Variants in NELL2 observed in about 807,000 individuals in gnomAD.
NELL2 encodes the protein protein kinase C-binding protein NELL2.
Under a neutral mutation model 109.6 loss-of-function variants are expected in NELL2, and 41 were observed. The observed-to-expected ratio is 0.37, with a 90% CI of 0.29 to 0.49. The LOEUF is 0.49. NELL2 is among the 20% of genes least tolerant of loss of function. NELL2 has a pLI of 0.98. For missense variants in NELL2, 900 were observed against 1,008.3 expected (o/e 0.89, Z 1.45); for synonymous variants, 355 against 344.7 (o/e 1.03, Z -0.33).
intron 15 of NELL2, among the ~76,000 whole-genome samples, chr12:44,595,649 G>A (rs12820895): frequency 0.17 from 24,980 of 145,152 alleles, 2,514 homozygotes; most frequent in East Asian, 0.29. Flanking sequence ...CACCATGTTA[G>A]CCAGGATGGT....
intron 13 of NELL2, among the ~76,000 whole-genome samples, chr12:44,611,320 C>T (rs1945612787): frequency 6.6e-6 from 1 of 152,036 alleles, no homozygotes; most frequent in South Asian, 2.1e-4. Flanking sequence ...ATAAATCTGT[C>T]ACCTAACTCA....
chr12:44,618,960 G>C (rs902354688), intron 13 of NELL2, among the ~76,000 whole-genome samples: 1 of 152,056 alleles, frequency 6.6e-6, no homozygotes, highest in African/African-American at 2.4e-5. Flanking sequence ...GAGCAATAAG[G>C]TGCTTTGTCC....
chr12:44,747,876 G>A (rs1484228900), intron 9 of NELL2, among the ~76,000 whole-genome samples: 1 of 152,112 alleles, frequency 6.6e-6, no homozygotes, highest in Non-Finnish European at 1.5e-5. Context: ...TATAGCAGAG[G>A]AAACCTGCAT....
intron 15 of NELL2, among the ~76,000 whole-genome samples, chr12:44,605,224 T>C (rs1945356312): frequency 6.6e-6 from 1 of 152,102 alleles, no homozygotes; most frequent in Non-Finnish European, 1.5e-5. Context: ...CTAACTCTGA[T>C]GCTAGGAAAA....
intron 16 of NELL2, among the ~76,000 whole-genome samples, chr12:44,527,904 C>T (rs1024626853): frequency 4.6e-5 from 7 of 151,810 alleles, no homozygotes; most frequent in Non-Finnish European, 8.8e-5. Context: ...CCATCTCTGG[C>T]TAACACGGTG....
intron 9 of NELL2, among the ~76,000 whole-genome samples, chr12:44,721,670 T>C (rs1454437915): frequency 6.6e-6 from 1 of 152,122 alleles, no homozygotes; most frequent in Admixed American, 6.5e-5. Context: ...TTTGATGTTA[T>C]AGTGACGAAG....
chr12:44,914,399 C>G (rs1157376814), upstream of NELL2, among the ~76,000 whole-genome samples: 1 of 152,156 alleles, frequency 6.6e-6, no homozygotes, highest in Non-Finnish European at 1.5e-5. Flanking sequence ...TGCAGGTGTC[C>G]TCTTAGCTCA....
rs74079119 is a variant in NELL2 at position 44,668,342 on chromosome 12, C to A, written c.1319-2733G>T. Among the ~76,000 whole-genome samples, 911 of 152,272 alleles carry A rather than the reference C, an allele frequency of 6.0e-3. 11 individuals carry two copies. The highest frequency in any genetic ancestry group is 0.021 in the African/African-American group (864 of 41,540). On this transcript the variant is annotated intron_variant, in intron 12 of 19. Transcript: ENST00000429094. ...GATCCTGCCCTCTCCAGCAGCAGGG[C>A]TACCATGTACCCATACTTGCCTTTA...
At chr12:44,837,817 C>T (rs1944101186) in intron 2 of NELL2, among the ~76,000 whole-genome samples, 1 of 152,024 alleles carries the variant, frequency 6.6e-6, no homozygotes, top group African/African-American at 2.4e-5. Context: ...TTGGTAAAAG[C>T]AATGTACCTT....
intron 13 of NELL2, among the ~76,000 whole-genome samples, chr12:44,653,025 C>T (rs1022398476): frequency 6.6e-6 from 1 of 152,186 alleles, no homozygotes; most frequent in Non-Finnish European, 1.5e-5. Context: ...ATAAGCTCCT[C>T]ATTTCAAGGT....
At chr12:44,721,879 A>C (rs1488945852) in intron 9 of NELL2, among the ~76,000 whole-genome samples, 1 of 152,148 alleles carries the variant, frequency 6.6e-6, no homozygotes, top group African/African-American at 2.4e-5. Context: ...AAATTTTTCA[A>C]TGCAGTTTCA....
At position 44,686,888 on chromosome 12, in the gene NELL2, C is replaced by T. The variant is rs368714610; in HGVS notation, c.1318+16838G>A. On this transcript the variant is annotated intron_variant, in intron 12 of 19. Coordinates refer to ENST00000429094, the MANE Select transcript of NELL2 (RefSeq NM_001145108.2). ...TTTTTGTTTGTCTGTGCCCTGCCCC[C>T]AGAGGTGGAGCCTACAGAGGCAGGC... 2.2e-3 allele frequency among the ~76,000 whole-genome samples: 338 copies of T among 152,304 alleles called. 14 individuals are homozygous for T. The East Asian group carries it at 0.055, about 25-fold the overall frequency.
At chr12:44,899,275 T>C (rs1258579844) in intron 1 of NELL2, among the ~76,000 whole-genome samples, 1 of 152,252 alleles carries the variant, frequency 6.6e-6, no homozygotes, top group East Asian at 1.9e-4. Flanking sequence ...ACCATAATGA[T>C]ACTCCTCGAG....
At chr12:44,827,834 T>C (rs546571205) in intron 2 of NELL2, among the ~76,000 whole-genome samples, 1 of 152,034 alleles carries the variant, frequency 6.6e-6, no homozygotes, top group Non-Finnish European at 1.5e-5. Context: ...TACCTGGGAG[T>C]GGGATTGCTA....
At chr12:44,651,578 G>C (rs1947300076) in intron 13 of NELL2, among the ~76,000 whole-genome samples, 2 of 152,260 alleles carry the variant, frequency 1.3e-5, no homozygotes, top group South Asian at 4.1e-4. Flanking sequence ...ATTTATTGAA[G>C]TGTCTACTGG....
chr12:44,823,955 A>AT (rs1242389442), intron 2 of NELL2, among the ~76,000 whole-genome samples: 1 of 152,042 alleles, frequency 6.6e-6, no homozygotes, highest in Admixed American at 6.6e-5. Context: ...TGATATCTCA[A>AT]TTTTTTAAAT....
chr12:44,904,389 T>C (rs1945696699), intron 1 of NELL2, among the ~76,000 whole-genome samples: 1 of 152,178 alleles, frequency 6.6e-6, no homozygotes, highest in East Asian at 1.9e-4. Flanking sequence ...GGAATATGTG[T>C]AGAAGTGATA....
At chr12:44,896,810 C>T (rs1410213746) in intron 1 of NELL2, among the ~76,000 whole-genome samples, 1 of 151,962 alleles carries the variant, frequency 6.6e-6, no homozygotes, top group African/African-American at 2.4e-5. Flanking sequence ...AAGTTTTCTC[C>T]CTGTCTAAAG....
Position 44,837,923 on chromosome 12 carries a change from C to T in NELL2, c.185-21787G>A, listed in dbSNP as rs898431085. The stretch of plus-strand genomic sequence containing the variant: ...CACTGTGCCAGTTTTATTATAATAC[C>T]CTAAAATCATCTTAAAGTAGAAGTA... On this transcript the variant is annotated intron_variant, in intron 2 of 19. Transcript: ENST00000429094. Among the ~76,000 whole-genome samples, 3 of 151,902 alleles carry T rather than the reference C, an allele frequency of 2.0e-5. No homozygotes were observed. In the East Asian group the frequency reaches 5.8e-4, roughly 29 times the overall value.
Sources: gnomAD v4.1 joint callset for allele counts (sites outside exome capture counted in the v4.1 genomes callset) on GRCh38, gnomAD v4.1.1 for gene constraint, MANE v1.5 for transcripts, NCBI Gene and HGNC (gene_info 2026-07-23, HGNC 2026-07-21) for gene names.